Variants in PVT1 observed in about 807,000 individuals in gnomAD.
PVT1 encodes CXCR4/PVT1 fusion.
At position 127,892,177 on chromosome 8, in the gene PVT1, G is replaced by A. The variant is rs116406393; in HGVS notation, n.782+1179G>A. On this transcript the variant is annotated intron_variant and non_coding_transcript_variant, in intron 3 of 10. Transcript: ENST00000651587. The stretch of plus-strand genomic sequence containing the variant: ...AGCACTTTCTCAGACAGGCTTCCCT[G>A]ACCTCCTAAGGTAAATAATGTCCCT... Among the ~76,000 whole-genome samples the A allele has an allele frequency of 5.8e-3, 886 of 152,306 alleles. 9 individuals carry two copies. The highest frequency in any genetic ancestry group is 0.02 in the African/African-American group (835 of 41,564).
chr8:127,868,453 A>T (rs2114354), intron 2 of PVT1, among the ~76,000 whole-genome samples: 59,542 of 151,796 alleles, frequency 0.39, 15,086 homozygotes, highest in African/African-American at 0.72. Flanking sequence ...AATGGTATGA[A>T]CTTGGCTCAC....
At chr8:128,084,106 C>A (rs559634974) in intron 5 of PVT1, among the ~76,000 whole-genome samples, 1 of 152,284 alleles carries the variant, frequency 6.6e-6, no homozygotes, top group East Asian at 1.9e-4. Context: ...TTTATCCCCC[C>A]CTTGGCAGCC....
intron 3 of PVT1, among the ~76,000 whole-genome samples, chr8:127,953,739 A>C (rs1288572655): frequency 6.6e-6 from 1 of 152,266 alleles, no homozygotes; most frequent in Non-Finnish European, 1.5e-5. Flanking sequence ...TACTCCAAGA[A>C]ATCTGTTGTG....
chr8:127,961,371 C>G (rs954068829), intron 3 of PVT1, among the ~76,000 whole-genome samples: 1 of 152,116 alleles, frequency 6.6e-6, no homozygotes, highest in Non-Finnish European at 1.5e-5. Flanking sequence ...ACGCGGTGCA[C>G]GAAGAGCCTC....
intron 2 of PVT1, among the ~76,000 whole-genome samples, chr8:127,866,471 C>T (rs1815287526): frequency 6.6e-6 from 1 of 152,160 alleles, no homozygotes; most frequent in South Asian, 2.1e-4. Context: ...CTGGGACATC[C>T]TGCCTTCCTT....
At position 127,804,538 on chromosome 8, in the gene PVT1, A is replaced by ATT. The variant is rs35404021; in HGVS notation, n.372+8486_372+8487dup. The stretch of plus-strand genomic sequence containing the variant: ...ATCATAGTGTATATGTTGCATCCTG[A>ATT]TTTTTTTTTTTTTTTTTTTTGAGAC... On this transcript the variant is annotated intron_variant and non_coding_transcript_variant, in intron 2 of 10. Coordinates refer to ENST00000651587, the Ensembl canonical transcript of PVT1. 4.2e-3 allele frequency among the ~76,000 whole-genome samples: 468 copies of ATT among 112,666 alleles called. 8 individuals carry two copies. The highest frequency in any genetic ancestry group is 6.3e-3 in the African/African-American group (182 of 28,860). The allele number at this position is 112,666 out of a possible 152,430, so 73.9% of individuals were successfully genotyped here.
chr8:128,000,729 G>A (rs187122534), intron 4 of PVT1, among the ~76,000 whole-genome samples: 1 of 152,320 alleles, frequency 6.6e-6, no homozygotes, highest in African/African-American at 2.4e-5. Context: ...TGATTTTAGT[G>A]TGTAGGGCTT....
intron 2 of PVT1, among the ~76,000 whole-genome samples, chr8:127,860,803 A>C (rs533825291): frequency 8.4e-5 from 11 of 130,766 alleles, no homozygotes; most frequent in Non-Finnish European, 1.8e-5. Context: ...CAAGGCGACA[A>C]CTGTGAGCTT....
chr8:127,797,629 C>T (rs568151081), intron 2 of PVT1, among the ~76,000 whole-genome samples: 20 of 152,212 alleles, frequency 1.3e-4, no homozygotes, highest in Admixed American at 5.2e-4. Flanking sequence ...GAACTAATAA[C>T]GGTAATAAAT....
At chr8:127,803,766 G>C (rs1385216577) in intron 2 of PVT1, among the ~76,000 whole-genome samples, 1 of 151,108 alleles carries the variant, frequency 6.6e-6, no homozygotes, top group Non-Finnish European at 1.5e-5. Flanking sequence ...TGTCATCAAG[G>C]CTGGAGTGCA....
chr8:127,805,118 CGGGGTT>C (rs1447330748), intron 2 of PVT1, among the ~76,000 whole-genome samples: 1 of 151,474 alleles, frequency 6.6e-6, no homozygotes. Context: ...TTAGTAGAGA[CGGGGTT>C]TCTCCACGTT....
chr8:127,831,139 ATCTC>A (rs147278525), intron 2 of PVT1, among the ~76,000 whole-genome samples: 56 of 142,062 alleles, frequency 3.9e-4, no homozygotes, highest in African/African-American at 1.4e-3. Flanking sequence ...ATCTATATCT[ATCTC>A]TCTCTCTCTC....
intron 4 of PVT1, among the ~76,000 whole-genome samples, chr8:128,052,365 T>C (rs1813708816): frequency 6.6e-6 from 1 of 152,220 alleles, no homozygotes; most frequent in African/African-American, 2.4e-5. Context: ...GGTTTCTCTC[T>C]TCATGCTGCA....
chr8:128,087,118 C>T (rs1814268325), intron 5 of PVT1, among the ~76,000 whole-genome samples: 1 of 152,200 alleles, frequency 6.6e-6, no homozygotes, highest in South Asian at 2.1e-4. Context: ...TCTTCAATAG[C>T]CCTCTGAGGT....
At chr8:128,050,526 G>T (rs1813678285) in intron 4 of PVT1, among the ~76,000 whole-genome samples, 1 of 152,162 alleles carries the variant, frequency 6.6e-6, no homozygotes, top group African/African-American at 2.4e-5. Flanking sequence ...AACACTACTT[G>T]CTTTCCTTGA....
chr8:128,038,536 G>A (rs969209992), intron 4 of PVT1, among the ~76,000 whole-genome samples: 2 of 152,154 alleles, frequency 1.3e-5, no homozygotes, highest in African/African-American at 4.8e-5. Context: ...GAGGGTGCTG[G>A]CCTCTGGAGT....
chr8:128,083,916 A>T (rs1276613444), intron 5 of PVT1, among the ~76,000 whole-genome samples: 1 of 152,174 alleles, frequency 6.6e-6, no homozygotes, highest in Non-Finnish European at 1.5e-5. Flanking sequence ...TACCTTGTTC[A>T]TGAGTTTAAA....
In PVT1 at chr8:127,929,756, A is replaced by G. The variant is rs549981125; in HGVS notation, n.782+38758A>G. Among the ~76,000 whole-genome samples, 47 of 152,060 alleles carry G rather than the reference A, an allele frequency of 3.1e-4. No individual in the cohort carries two copies. In the East Asian group the frequency reaches 7.7e-3, roughly 25 times the overall value. Reference sequence around the variant, plus strand: ...GGACTCCAGCCTGGGTGACAGAGCGAGACTCCGTCTCAAAAAAAAAAAAGA... The same window carrying G: ...GGACTCCAGCCTGGGTGACAGAGCGGGACTCCGTCTCAAAAAAAAAAAAGA... On this transcript the variant is annotated intron_variant and non_coding_transcript_variant, in intron 3 of 10. Transcript: ENST00000651587.
intron 5 of PVT1, among the ~76,000 whole-genome samples, chr8:128,089,035 T>G (rs931506664): frequency 1.3e-5 from 2 of 152,174 alleles, no homozygotes; most frequent in Admixed American, 6.5e-5. Context: ...AACAGATCAC[T>G]GAGGCCAGGG....
Sources: gnomAD v4.1 joint callset for allele counts (sites outside exome capture counted in the v4.1 genomes callset) on GRCh38, gnomAD v4.1.1 for gene constraint, MANE v1.5 for transcripts, NCBI Gene and HGNC (gene_info 2026-07-23, HGNC 2026-07-21) for gene names.